The following TSPEAR variants were observed in gnomAD, a reference collection of about 807,000 sequenced individuals.
TSPEAR encodes the protein thrombospondin-type laminin G domain and EAR repeat-containing protein.
TSPEAR carries 69 observed loss-of-function variants against 71.6 expected under a neutral mutation model. The observed-to-expected ratio is 0.96, with a 90% CI of 0.79 to 1.18. The LOEUF is 1.18. Among genes scored for constraint, TSPEAR ranks in the 50% most tolerant of loss-of-function variants. The pLI, the probability that TSPEAR is intolerant of heterozygous loss-of-function variation, is 0.00. For synonymous variants in TSPEAR, 402 were observed against 387.2 expected, an observed-to-expected ratio of 1.04 and a Z score of -0.45; for missense variants, 971 against 894.9, an observed-to-expected ratio of 1.09 and a Z score of -1.09.
intron 2 of TSPEAR, among the ~76,000 whole-genome samples, chr21:44,536,386 A>T (rs1396043898): frequency 1.3e-5 from 2 of 152,012 alleles, no homozygotes; most frequent in African/African-American, 4.8e-5. Context: ...TTCTTTTTCT[A>T]TCTGGTAATT....
intron 9 of TSPEAR, chr21:44,519,924 A>G (rs2052697404): frequency 6.6e-6 from 1 of 152,258 alleles, no homozygotes; most frequent in Non-Finnish European, 1.5e-5. Context: ...AGCCGCTACC[A>G]CCACCTACCT....
In TSPEAR at chr21:44,639,666, C is replaced by T. The variant is rs1033941417; in HGVS notation, c.83-71661G>A. ...GGGCCGAGCCTTCATCCTAGGTCTCCGGGGCCATCCTCGGGAGGGGCTCCC... is the reference window on the plus strand; with the variant it reads ...GGGCCGAGCCTTCATCCTAGGTCTCTGGGGCCATCCTCGGGAGGGGCTCCC... On this transcript the variant is annotated intron_variant, in intron 1 of 11. Coordinates refer to ENST00000323084, the MANE Select transcript of TSPEAR (RefSeq NM_144991.3). Among the ~76,000 whole-genome samples, 64 of 152,224 alleles carry T rather than the reference C, an allele frequency of 4.2e-4. 1 individual carries two copies. Among genetic ancestry groups the T allele is most frequent in the Non-Finnish European group, 7.3e-5 (5 of 68,046 alleles).
chr21:44,673,761 T>C (rs587675713), intron 1 of TSPEAR, among the ~76,000 whole-genome samples: 1 of 152,210 alleles, frequency 6.6e-6, no homozygotes, highest in Non-Finnish European at 1.5e-5. Flanking sequence ...ATATCAAGTA[T>C]CTTCTCAGAC....
At chr21:44,679,468 C>T (rs587608378) in intron 1 of TSPEAR, among the ~76,000 whole-genome samples, 14 of 152,310 alleles carry the variant, frequency 9.2e-5, no homozygotes, top group Admixed American at 2.6e-4. Flanking sequence ...AAAGATCATA[C>T]TATCCAAAGC....
intron 1 of TSPEAR, among the ~76,000 whole-genome samples, chr21:44,704,603 G>T (rs148501454): frequency 1.7e-3 from 257 of 152,318 alleles, no homozygotes; most frequent in African/African-American, 6.0e-3. Context: ...AGGGGCAGCG[G>T]CTTGAGGGTC....
chr21:44,558,557 C>T (rs782024992), intron 2 of TSPEAR: 32 of 1,613,078 alleles, frequency 2.0e-5, no homozygotes, highest in Non-Finnish European at 2.5e-5. Flanking sequence ...AGGGGCTGGA[C>T]ACACAGCTCA....
chr21:44,627,852 C>G (rs781938468), intron 1 of TSPEAR: 2 of 1,613,782 alleles, frequency 1.2e-6, no homozygotes, highest in Admixed American at 3.3e-5. Flanking sequence ...GCTGCAGACC[C>G]TCCTCCTCTG....
intron 1 of TSPEAR, among the ~76,000 whole-genome samples, chr21:44,663,897 T>C (rs1204545238): frequency 1.3e-5 from 2 of 152,122 alleles, no homozygotes; most frequent in Admixed American, 6.5e-5. Flanking sequence ...GAAAAGGCTT[T>C]TGACAAAATT....
At chr21:44,624,463 C>A (rs1334693959) in intron 1 of TSPEAR, among the ~76,000 whole-genome samples, 1 of 152,146 alleles carries the variant, frequency 6.6e-6, no homozygotes, top group Non-Finnish European at 1.5e-5. Context: ...GAATCCAGGA[C>A]TTCATGAAAA....
chr21:44,516,905 C>CTGCATGCG (rs1443952382), intron 9 of TSPEAR, among the ~76,000 whole-genome samples: 7 of 152,210 alleles, frequency 4.6e-5, no homozygotes, highest in Admixed American at 1.3e-4. Flanking sequence ...CACACCAGCT[C>CTGCATGCG]TGCATGCGAG....
chr21:44,691,822 A>G (rs1465619099), intron 1 of TSPEAR, among the ~76,000 whole-genome samples: 1 of 152,230 alleles, frequency 6.6e-6, no homozygotes, highest in Non-Finnish European at 1.5e-5. Flanking sequence ...AAGTTGTGAA[A>G]GAAAAAAATA....
chr21:44,688,187 G>C (rs1056277195), intron 1 of TSPEAR, among the ~76,000 whole-genome samples: 9 of 82,856 alleles, frequency 1.1e-4, no homozygotes, highest in Admixed American at 3.6e-4. Flanking sequence ...GCTATGATCA[G>C]AGGGAAGTGG....
At chr21:44,502,940 T>A (rs1383043549) in intron 11 of TSPEAR, among the ~76,000 whole-genome samples, 1 of 55,518 alleles carries the variant, frequency 1.8e-5, no homozygotes, top group Non-Finnish European at 4.1e-5. Flanking sequence ...CAGTGAGCCC[T>A]CGGGGAAGCA....
chr21:44,592,281 G>A lies in TSPEAR; in HGVS notation c.83-24276C>T, dbSNP rs782447509. ...AGGGGCTGGGCTCACAGGTCACTGGGCAGCAGGGGCTGGACACACGGCTCA... is the reference window on the plus strand; with the variant it reads ...AGGGGCTGGGCTCACAGGTCACTGGACAGCAGGGGCTGGACACACGGCTCA... On this transcript the variant is annotated intron_variant, in intron 1 of 11. Transcript: ENST00000323084. 3 of 1,569,924 alleles carry A rather than the reference G, an allele frequency of 1.9e-6. No individual in the cohort carries two copies. In the South Asian group the frequency reaches 3.4e-5, roughly 18 times the overall value.
rs1376202151 is a variant in TSPEAR, at chr21:44,710,975, G to C, written c.82+458C>G. Among the ~76,000 whole-genome samples, 6 of 152,228 alleles carry C rather than the reference G, an allele frequency of 3.9e-5. No homozygotes were observed. The highest frequency in any genetic ancestry group is 3.9e-4 in the Admixed American group (6 of 15,288). ...TGTCTCCAGCTTTTTGCTCATGTGG[G>C]GAAGGAGCAGGGCCGGTGTGGCCCT... On this transcript the variant is annotated intron_variant, in intron 1 of 11. Coordinates refer to ENST00000323084, the MANE Select transcript of TSPEAR (RefSeq NM_144991.3). The surrounding 1 kb of genome is among the most constrained non-coding windows in gnomAD (Gnocchi z 4.6).
rs1038761499 is a variant in TSPEAR at position 44,687,890 on chromosome 21, G to T, written c.82+23543C>A. On this transcript the variant is annotated intron_variant, in intron 1 of 11. Coordinates refer to ENST00000323084, the MANE Select transcript of TSPEAR (RefSeq NM_144991.3). This position sits in a 1 kb window ranked among gnomAD's most constrained non-coding sequence, Gnocchi z 4.4. ...CTGCAGTGTGTGAGTGAAGTGTGCG[G>T]TTGCTGCACCTTCCCCTGCAGTGCC... Among the ~76,000 whole-genome samples the T allele has an allele frequency of 6.6e-6, 1 of 152,176 alleles. No homozygotes were observed. The highest frequency in any genetic ancestry group is 6.5e-5 in the Admixed American group (1 of 15,278).
rs368649658 is a variant in TSPEAR at position 44,534,569 on chromosome 21, C to T, written c.304-646G>A. 6.4e-4 allele frequency among the ~76,000 whole-genome samples: 97 copies of T among 152,008 alleles called. 1 individual carries two copies. The South Asian group carries it at 0.014, about 22-fold the overall frequency. On this transcript the variant is annotated intron_variant, in intron 2 of 11. Coordinates refer to ENST00000323084, the MANE Select transcript of TSPEAR (RefSeq NM_144991.3). ...GTAGGGACCGGCTTAGTCAGGAGCACGGGTCCATGGTAAAACCCAAAGGCA... is the reference window on the plus strand; with the variant it reads ...GTAGGGACCGGCTTAGTCAGGAGCATGGGTCCATGGTAAAACCCAAAGGCA...
At chr21:44,634,792 T>G (rs1555936321) in intron 1 of TSPEAR, among the ~76,000 whole-genome samples, 2 of 152,184 alleles carry the variant, frequency 1.3e-5, no homozygotes, top group African/African-American at 4.8e-5. Flanking sequence ...CTGTTGATAC[T>G]TCATACCCAC....
intron 1 of TSPEAR, among the ~76,000 whole-genome samples, chr21:44,682,338 G>A (rs1418620579): frequency 1.3e-5 from 2 of 152,130 alleles, no homozygotes; most frequent in East Asian, 3.9e-4. Flanking sequence ...GTGACTAATT[G>A]CACCCTCTTC....
Sources: allele counts gnomAD v4.1 joint callset (sites outside exome capture counted in the v4.1 genomes callset), GRCh38; gene constraint gnomAD v4.1.1; non-coding constraint Gnocchi (gnomAD v3.1); transcripts MANE v1.5; gene names NCBI Gene and HGNC (gene_info 2026-07-23, HGNC 2026-07-21).